Variants in RUNX1T1 observed in about 807,000 individuals in gnomAD.
RUNX1T1 encodes protein CBFA2T1.
A neutral mutation model predicts 62.8 loss-of-function variants in RUNX1T1; 4 were observed. The observed-to-expected ratio is 0.06, with a 90% CI of 0.03 to 0.15. The LOEUF is 0.15. Ranked by LOEUF, RUNX1T1 falls within the 10% of genes least tolerant of loss-of-function variation. RUNX1T1 has a pLI of 1.00. For synonymous variants in RUNX1T1, 291 were observed against 286.0 expected, an observed-to-expected ratio of 1.02 and a Z score of -0.18; for missense variants, 508 against 754.3, an observed-to-expected ratio of 0.67 and a Z score of 3.82.
intron 10 of RUNX1T1, among the ~76,000 whole-genome samples, chr8:91,970,034 GTGTGTGTGT>G (rs1245471537): frequency 4.2e-5 from 2 of 47,186 alleles, no homozygotes; most frequent in African/African-American, 7.3e-5. Flanking sequence ...GTGTGTGTGT[GTGTGTGTGT>G]TGTGTGTGTG....
chr8:91,991,450 G>C (rs916631342), intron 6 of RUNX1T1, among the ~76,000 whole-genome samples, 189 bp downstream of exon 7: 1 of 152,104 alleles, frequency 6.6e-6, no homozygotes, highest in Non-Finnish European at 1.5e-5. Context: ...GATTAGGAGA[G>C]AGAAAGTACA....
exon 11 of RUNX1T1, chr8:91,959,257 A>AT (rs1236248243): frequency 9.2e-6 from 2 of 218,374 alleles, no homozygotes; most frequent in Non-Finnish European, 1.9e-5. Context: ...TTTTAAAATT[A>AT]TTTTTTTCAA....
At chr8:92,067,695 A>G, upstream of RUNX1T1, among the ~76,000 whole-genome samples, 1 of 152,226 alleles carries the variant, frequency 6.6e-6, no homozygotes, top group East Asian at 1.9e-4. Flanking sequence ...AAAGATGTGT[A>G]TTAGTATATT....
intron 1 of RUNX1T1, among the ~76,000 whole-genome samples, chr8:92,060,522 A>AATATATATATATATATATATAT (rs61066655): frequency 2.5e-4 from 19 of 76,292 alleles, no homozygotes; most frequent in African/African-American, 3.5e-4. Context: ...TCAACTACCA[A>AATATATATATATATATATATAT]ATATATATAT....
At chr8:92,059,236 A>G (rs974637137) in intron 1 of RUNX1T1, among the ~76,000 whole-genome samples, 12 of 152,364 alleles carry the variant, frequency 7.9e-5, no homozygotes, top group African/African-American at 2.9e-4. Context: ...ATGGCAAACC[A>G]ACTTGCAAAG....
intron 2 of RUNX1T1, chr8:92,071,394 C>A (rs1463560162): frequency 2.0e-5 from 3 of 152,158 alleles, no homozygotes; most frequent in Non-Finnish European, 4.4e-5. Flanking sequence ...AAATAAGAAC[C>A]CAACAAACTA....
At chr8:92,047,921 A>G (rs1413879229) in intron 1 of RUNX1T1, among the ~76,000 whole-genome samples, 2 of 152,188 alleles carry the variant, frequency 1.3e-5, no homozygotes, top group East Asian at 3.9e-4. Flanking sequence ...CAAGTTTACA[A>G]TGGAAAGGAT....
chr8:92,100,265 G>C (rs1837974025), upstream of RUNX1T1, among the ~76,000 whole-genome samples: 1 of 151,952 alleles, frequency 6.6e-6, no homozygotes, highest in Admixed American at 6.6e-5. Flanking sequence ...TCTGCTTTGA[G>C]TTGTACAAAC....
At chr8:92,019,650 G>A (rs2131194049) in intron 1 of RUNX1T1, among the ~76,000 whole-genome samples, 1 of 151,992 alleles carries the variant, frequency 6.6e-6, no homozygotes, top group African/African-American at 2.4e-5. Context: ...ATATTTGAAG[G>A]CTATTTTTCT....
At chr8:91,976,654 A>C (rs1205286006) in intron 8 of RUNX1T1, among the ~76,000 whole-genome samples, 1 of 152,258 alleles carries the variant, frequency 6.6e-6, no homozygotes, top group African/African-American at 2.4e-5. Context: ...TAGGCGTCTC[A>C]AATTTTAAAA....
intron 1 of RUNX1T1, among the ~76,000 whole-genome samples, chr8:92,054,349 A>G (rs1223415197): frequency 1.3e-5 from 2 of 152,312 alleles, no homozygotes; most frequent in East Asian, 3.9e-4. Context: ...TCTAACCTAG[A>G]CAATGTGCAT....
At chr8:92,080,887 G>A (rs1835143951) in intron 1 of RUNX1T1, among the ~76,000 whole-genome samples, 1 of 152,170 alleles carries the variant, frequency 6.6e-6, no homozygotes, top group African/African-American at 2.4e-5. Flanking sequence ...CAGAAGGTAG[G>A]CAACCAACTA....
At chr8:92,004,841 T>C in intron 5 of RUNX1T1, 1 of 314,758 alleles carries the variant, frequency 3.2e-6, no homozygotes, top group East Asian at 5.5e-5. Flanking sequence ...CAGTGGTACT[T>C]GGCAAATCAG....
chr8:92,016,179 A>G (rs917996702), intron 2 of RUNX1T1, among the ~76,000 whole-genome samples: 1 of 152,226 alleles, frequency 6.6e-6, no homozygotes, highest in Non-Finnish European at 1.5e-5. Context: ...GACAATTTCA[A>G]CCAGGACTTT....
Position 92,060,551 on chromosome 8 carries a change from ATATGTGTGTG to A in RUNX1T1, c.7+1985_7+1994del, listed in dbSNP as rs1367558253. The stretch of plus-strand genomic sequence containing the variant: ...TATATATATATATATATATATATAT[ATATGTGTGTG>A]TGTGTGTGTGTGTGTGTGTGTGTGT... On this transcript the variant is annotated intron_variant, in intron 1 of 10. Transcript: ENST00000396218. Among the ~76,000 whole-genome samples the A allele has an allele frequency of 7.7e-3, 735 of 95,216 alleles. 1 individual carries two copies. The highest frequency in any genetic ancestry group is 0.021 in the South Asian group (58 of 2,828). The allele number at this position is 95,216 out of a possible 152,430, so 62.5% of individuals were successfully genotyped here.
At chr8:92,039,149 T>G (rs1310800210) in intron 1 of RUNX1T1, among the ~76,000 whole-genome samples, 1 of 151,472 alleles carries the variant, frequency 6.6e-6, no homozygotes, top group African/African-American at 2.4e-5. Context: ...TTGTTGTTTT[T>G]TTTTTTTTTT....
chr8:92,076,483 T>C (rs959105844), intron 1 of RUNX1T1, among the ~76,000 whole-genome samples: 2 of 152,174 alleles, frequency 1.3e-5, no homozygotes, highest in Non-Finnish European at 2.9e-5. Flanking sequence ...ATAAATAATC[T>C]GTCAGATATT....
exon 11 of RUNX1T1, chr8:91,958,962 T>C: frequency 4.9e-6 from 1 of 202,686 alleles, no homozygotes; most frequent in Non-Finnish European, 1.0e-5. Flanking sequence ...TTCCTTTTTT[T>C]TTTTTTAACT....
In RUNX1T1 at chr8:92,001,197, C is replaced by T. The variant is rs895390834; in HGVS notation, c.659+3919G>A. On this transcript the variant is annotated intron_variant, in intron 5 of 10. Coordinates refer to ENST00000396218, the Ensembl canonical transcript of RUNX1T1. ...ACAGATAACATCCCATGAGCAAATC[C>T]ATAAATTTAAAATATGTGTGATTTT... Among the ~76,000 whole-genome samples, 47 of 151,816 alleles carry T rather than the reference C, an allele frequency of 3.1e-4. 1 individual carries two copies. Among genetic ancestry groups the T allele is most frequent in the African/African-American group, 1.1e-3 (47 of 41,392 alleles).
Sources: allele counts gnomAD v4.1 joint callset (sites outside exome capture counted in the v4.1 genomes callset), GRCh38; gene constraint gnomAD v4.1.1; transcripts MANE v1.5; gene names NCBI Gene and HGNC (gene_info 2026-07-23, HGNC 2026-07-21).